Variants in EFCAB5 observed in about 807,000 individuals in gnomAD.
The protein encoded by EFCAB5 is EF-hand calcium-binding domain-containing protein 5.
A neutral mutation model predicts 167.9 loss-of-function variants in EFCAB5; 131 were observed. The ratio of observed to expected loss-of-function variants is 0.78; its 90% CI spans 0.68 to 0.90. The LOEUF (loss-of-function observed/expected upper bound fraction) is 0.90. EFCAB5 is among the 40% of genes least tolerant of loss of function. The pLI, the probability that EFCAB5 is intolerant of heterozygous loss-of-function variation, is 0.00. For synonymous variants in EFCAB5, 574 were observed against 602.8 expected, an observed-to-expected ratio of 0.95 and a Z score of 0.70; for missense variants, 1,663 against 1,745.2, an observed-to-expected ratio of 0.95 and a Z score of 0.84.
At chr17:29,930,267 G>A in intron 1 of EFCAB5, 1 of 504,008 alleles carries the variant, frequency 2.0e-6, no homozygotes, top group Non-Finnish European at 3.5e-6. Context: ...GTCAGCTACC[G>A]CCTCTCCCCT....
At chr17:30,050,504 A>G (rs557861243) in intron 8 of EFCAB5, among the ~76,000 whole-genome samples, 1 of 152,260 alleles carries the variant, frequency 6.6e-6, no homozygotes, top group South Asian at 2.1e-4. Context: ...GACTGCAGTG[A>G]CATGATCATA....
intron 1 of EFCAB5, among the ~76,000 whole-genome samples, chr17:29,933,721 G>T (rs746211936): frequency 6.6e-6 from 1 of 152,112 alleles, no homozygotes; most frequent in African/African-American, 2.4e-5. Context: ...GAGGTTAGCT[G>T]GTTCTCAAGC....
At chr17:29,979,305 T>C (rs1241122728) in intron 4 of EFCAB5, among the ~76,000 whole-genome samples, 1 of 151,806 alleles carries the variant, frequency 6.6e-6, no homozygotes, top group African/African-American at 2.4e-5. Context: ...ACCACACCAT[T>C]GCACTCCAGC....
intron 7 of EFCAB5, among the ~76,000 whole-genome samples, chr17:30,033,996 C>T (rs1489643403): frequency 1.3e-5 from 2 of 152,126 alleles, no homozygotes; most frequent in Non-Finnish European, 2.9e-5. Context: ...GGAAATTGCT[C>T]CAAAAATATC....
intron 3 of EFCAB5, among the ~76,000 whole-genome samples, chr17:29,957,354 T>C (rs1471510966): frequency 6.6e-6 from 1 of 152,146 alleles, no homozygotes; most frequent in African/African-American, 2.4e-5. Context: ...CCAGGATACA[T>C]GTGCAGTACA....
In EFCAB5 at chr17:30,054,044, T is replaced by A; in HGVS notation, c.2090T>A (p.Leu697Gln). ...PITSEYIEVP[L>Q]QEKRSWEQTY... is the part of the protein sequence containing the mutation. ...ACCTCTGAGTACATTGAAGTCCCTCTACAGGAAAAGAGGTCTTGGGAACAA... is the reference window on the plus strand; with the variant it reads ...ACCTCTGAGTACATTGAAGTCCCTCAACAGGAAAAGAGGTCTTGGGAACAA... The change falls in exon 10 of 23, where the codon CTA becomes CAA. Residue 697 changes from leucine (L) to glutamine (Q), a missense_variant. Leu to Gln is a moderately radical substitution (Grantham distance 113). Coordinates refer to ENST00000394835, the MANE Select transcript of EFCAB5 (RefSeq NM_198529.4). The A allele has an allele frequency of 1.2e-6, 2 of 1,603,862 alleles. No homozygotes were observed. Among genetic ancestry groups the A allele is most frequent in the Non-Finnish European group, 1.7e-6 (2 of 1,174,456 alleles).
rs75151697 is a variant in EFCAB5, at chr17:30,077,642, A to G, written c.2738-573A>G. Among the ~76,000 whole-genome samples the G allele has an allele frequency of 7.2e-4, 109 of 152,368 alleles. 1 individual carries two copies. The highest frequency in any genetic ancestry group is 2.3e-3 in the African/African-American group (95 of 41,592). On this transcript the variant is annotated intron_variant, in intron 14 of 22. Transcript: ENST00000394835. The stretch of plus-strand genomic sequence containing the variant: ...AGTGTGCAAGACATGGACAGGGACC[A>G]TGAGTAGAATGGAGATACTGCAGTA...
intron 7 of EFCAB5, among the ~76,000 whole-genome samples, chr17:30,009,965 C>T (rs1250224797): frequency 6.6e-6 from 1 of 152,074 alleles, no homozygotes; most frequent in East Asian, 1.9e-4. Flanking sequence ...TCCTCCATCC[C>T]CCGACCCCAT....
Position 30,053,443 on chromosome 17 carries a change from A to G in EFCAB5, c.1489A>G (p.Arg497Gly), listed in dbSNP as rs1274144227. ...AGATCAACCTAAACTTAACGAACAGAGAACATCAACACCATCACCAAACCC... is the reference window on the plus strand; with the variant it reads ...AGATCAACCTAAACTTAACGAACAGGGAACATCAACACCATCACCAAACCC... ...SPDQPKLNEQ[R>G]TSTPSPNPPE... The change falls in exon 10 of 23, where the codon AGA (arginine) becomes GGA (glycine). Residue 497 changes from arginine to glycine, a missense_variant. Transcript: ENST00000394835. The G allele has an allele frequency of 3.1e-6, 5 of 1,613,936 alleles. No individual in the cohort carries two copies. The highest frequency in any genetic ancestry group is 4.2e-6 in the Non-Finnish European group (5 of 1,179,914).
chr17:29,958,265 G>A (rs537474024), intron 3 of EFCAB5, among the ~76,000 whole-genome samples: 1 of 152,004 alleles, frequency 6.6e-6, no homozygotes, highest in East Asian at 1.9e-4. Context: ...TTCTCTTTAA[G>A]GTCAATAACT....
chr17:30,007,151 T>C (rs2068789289), intron 7 of EFCAB5, among the ~76,000 whole-genome samples: 2 of 152,142 alleles, frequency 1.3e-5, no homozygotes, highest in South Asian at 2.1e-4. Flanking sequence ...CGGCTGCAAA[T>C]AGCATACACA....
chr17:30,011,876 TTATACCA>T (rs1427080523), intron 7 of EFCAB5, among the ~76,000 whole-genome samples: 2 of 152,178 alleles, frequency 1.3e-5, no homozygotes, highest in African/African-American at 2.4e-5. Context: ...ACAAGAATAG[TTATACCA>T]TATATAGATC....
chr17:30,037,434 A>G (rs2151746140), intron 8 of EFCAB5, among the ~76,000 whole-genome samples: 1 of 152,316 alleles, frequency 6.6e-6, no homozygotes, highest in Non-Finnish European at 1.5e-5. Flanking sequence ...ACAGTCAACA[A>G]GTACTGTGGC....
intron 8 of EFCAB5, among the ~76,000 whole-genome samples, chr17:30,037,512 T>C (rs1301454127): frequency 1.3e-5 from 2 of 152,034 alleles, no homozygotes; most frequent in African/African-American, 2.4e-5. Flanking sequence ...CCCCCCAAAA[T>C]ATGGGCGAAA....
In EFCAB5 at chr17:29,970,637, G is replaced by GAC. The variant is rs34545008; in HGVS notation, c.767+1300_767+1301dup. 9.4e-3 allele frequency among the ~76,000 whole-genome samples: 1,305 copies of GAC among 138,582 alleles called. 10 individuals carry two copies. Among genetic ancestry groups the GAC allele is most frequent in the Middle Eastern group, 0.018 (5 of 272 alleles). The allele number at this position is 138,582 out of a possible 152,430, so 90.9% of individuals were successfully genotyped here. A position where few individuals can be genotyped will look rare whatever the true frequency, so the allele number is the denominator to read the frequency against. ...AGAGCGAGATCCAGTCTCAAAAACA[G>GAC]ACACACACACACACACACACACACA... On this transcript the variant is annotated intron_variant, in intron 4 of 22. Transcript: ENST00000394835.
At chr17:30,011,466 C>T (rs1184522367) in intron 7 of EFCAB5, among the ~76,000 whole-genome samples, 2 of 152,002 alleles carry the variant, frequency 1.3e-5, no homozygotes, top group African/African-American at 4.8e-5. Flanking sequence ...TTGTTTGTGC[C>T]CTCTTTTATT....
intron 9 of EFCAB5, 131 bp from the exon 10 acceptor site, chr17:30,053,124 G>T: frequency 9.6e-7 from 1 of 1,038,440 alleles, no homozygotes; most frequent in Admixed American, 2.8e-5. Context: ...AAAGATAACT[G>T]ATATTTATTT....
chr17:29,969,751 T>C (rs1271336240), intron 4 of EFCAB5, among the ~76,000 whole-genome samples: 1 of 152,184 alleles, frequency 6.6e-6, no homozygotes, highest in African/African-American at 2.4e-5. Flanking sequence ...TTCCCTCCCA[T>C]TCTTATCTTC....
intron 2 of EFCAB5, among the ~76,000 whole-genome samples, 175 bp from the exon 3 acceptor site, chr17:29,943,390 C>T (rs2067331205): frequency 6.6e-6 from 1 of 152,172 alleles, no homozygotes; most frequent in Non-Finnish European, 1.5e-5. Context: ...GCAGAAAATA[C>T]ACTGTGATTA....
Sources: gnomAD v4.1 joint callset for allele counts (sites outside exome capture counted in the v4.1 genomes callset) on GRCh38, gnomAD v4.1.1 for gene constraint, MANE v1.5 for transcripts, NCBI Gene and HGNC (gene_info 2026-07-23, HGNC 2026-07-21) for gene names.